Variants in USP28 observed in about 807,000 individuals in gnomAD.
The protein encoded by USP28 is ubiquitin specific peptidase 28, also known as ubiquitin carboxyl-terminal hydrolase 28.
Under a neutral mutation model 145.0 loss-of-function variants are expected in USP28, and 113 were observed. That is an observed-to-expected ratio of 0.78 (90% CI 0.67 to 0.91). The LOEUF is 0.91. Among genes scored for constraint, USP28 ranks in the 40% least tolerant of loss-of-function variants. The pLI, the probability that USP28 is intolerant of heterozygous loss-of-function variation, is 0.00. For synonymous variants in USP28, 447 were observed against 450.9 expected, an observed-to-expected ratio of 0.99 and a Z score of 0.11; for missense variants, 1,201 against 1,289.6, an observed-to-expected ratio of 0.93 and a Z score of 1.05.
At chr11:113,826,931 A>AC (rs902338315) in intron 11 of USP28, among the ~76,000 whole-genome samples, 20 of 151,950 alleles carry the variant, frequency 1.3e-4, no homozygotes, top group African/African-American at 4.8e-4. Flanking sequence ...AAAAAAAAAA[A>AC]AAACAAAAAT....
intron 1 of USP28, among the ~76,000 whole-genome samples, chr11:113,865,407 C>T (rs935284402): frequency 6.6e-6 from 1 of 152,146 alleles, no homozygotes; most frequent in Admixed American, 6.5e-5. Context: ...AAAAGAAGAA[C>T]AAAGTTGGAG....
At chr11:113,836,122 G>A (rs1327014931) in intron 5 of USP28, among the ~76,000 whole-genome samples, 2 of 152,076 alleles carry the variant, frequency 1.3e-5, no homozygotes, top group African/African-American at 2.4e-5. Flanking sequence ...CATTAAGTGT[G>A]AGCTAATACT....
At chr11:113,808,532 C>T (rs1940427565) in intron 17 of USP28, 95 bp from the exon 18 acceptor site, 18 of 1,357,248 alleles carry the variant, frequency 1.3e-5, no homozygotes, top group Non-Finnish European at 1.8e-5. Context: ...GTTTAATATA[C>T]AACCCTGTTA....
intron 1 of USP28, among the ~76,000 whole-genome samples, chr11:113,858,767 G>A (rs183447752): frequency 1.4e-4 from 22 of 152,028 alleles, no homozygotes; most frequent in African/African-American, 5.1e-4. Flanking sequence ...CCACCACCAC[G>A]CCTAGCTAAT....
chr11:113,852,123 G>T (rs1946530536), intron 3 of USP28, among the ~76,000 whole-genome samples: 1 of 152,114 alleles, frequency 6.6e-6, no homozygotes, highest in African/African-American at 2.4e-5. Flanking sequence ...CTGCCTCCCG[G>T]GTTCATGCCA....
chr11:113,833,152 A>G (rs929605279), intron 7 of USP28, among the ~76,000 whole-genome samples: 4 of 152,166 alleles, frequency 2.6e-5, no homozygotes, highest in Non-Finnish European at 4.4e-5. Context: ...TTCTACATCA[A>G]TAGCCCCGGT....
At chr11:113,875,549 G>A in exon 1 of USP28, 5 of 1,125,236 alleles carry the variant, frequency 4.4e-6, no homozygotes, top group Admixed American at 5.0e-5. Flanking sequence ...CGCAGCCGCC[G>A]CCGGCCCAGC....
rs775973122 is a variant in USP28, at chr11:113,823,672, G to A, written c.1216C>T (p.Arg406Ter). The A allele has an allele frequency of 5.0e-6, 8 of 1,610,806 alleles. No homozygotes were observed. Among genetic ancestry groups the A allele is most frequent in the East Asian group, 4.5e-5 (2 of 44,760 alleles). Residue 406 changes from arginine (R) to a stop codon, truncating the protein, a stop_gained, in exon 12 of 25, where the codon CGA becomes TGA. Coordinates refer to ENST00000003302, the Ensembl canonical transcript of USP28. LOFTEE classifies it high-confidence loss of function. Reference sequence around the variant, plus strand: ...TTTCGAATACACTCTCTCTTATTTCGAATAAGCTCCTTGCTCCTGTACATG... The same window carrying A: ...TTTCGAATACACTCTCTCTTATTTCAAATAAGCTCCTTGCTCCTGTACATG...
intron 16 of USP28, among the ~76,000 whole-genome samples, chr11:113,809,730 G>T (rs1458334556): frequency 6.6e-6 from 1 of 152,130 alleles, no homozygotes; most frequent in Non-Finnish European, 1.5e-5. Flanking sequence ...GAATAACACA[G>T]AGTTAAAGAT....
At chr11:113,806,543 T>A in exon 19 of USP28, 1 of 1,604,936 alleles carries the variant, frequency 6.2e-7, no homozygotes, top group South Asian at 1.1e-5. Context: ...GGGCTTTAGC[T>A]ATGGCCAGGA....
At chr11:113,818,360 C>A (rs954009569) in intron 12 of USP28, among the ~76,000 whole-genome samples, 1 of 151,868 alleles carries the variant, frequency 6.6e-6, no homozygotes, top group Non-Finnish European at 1.5e-5. Context: ...ACTGTATTAG[C>A]CAGGATGGTC....
chr11:113,863,366 C>T (rs1250196573), intron 1 of USP28, among the ~76,000 whole-genome samples: 1 of 151,826 alleles, frequency 6.6e-6, no homozygotes, highest in East Asian at 1.9e-4. Context: ...ACTGCTGAGG[C>T]TGGGTGCGAT....
Position 113,808,450 on chromosome 11 carries a change from T to C in USP28, c.2165-13A>G, listed in dbSNP as rs531922723. On this transcript the variant is annotated splice_polypyrimidine_tract_variant and intron_variant, in intron 17 of 24. Transcript: ENST00000003302. ...GCTACTGAAGGCTCTGATAAAGAAT[T>C]GAACAAAGGTCTTAGCATCTAATGA... is the stretch of plus-strand genomic sequence containing the variant. 11 of 1,611,888 alleles carry C rather than the reference T, an allele frequency of 6.8e-6. No individual in the cohort carries two copies. In the South Asian group the frequency reaches 8.8e-5, roughly 13 times the overall value.
chr11:113,804,455 G>A (rs377327573), intron 21 of USP28, among the ~76,000 whole-genome samples: 8 of 152,202 alleles, frequency 5.3e-5, no homozygotes, highest in African/African-American at 1.9e-4. Context: ...TTTAAGGGAA[G>A]TGAAATGTTG....
chr11:113,803,254 T>C (rs760584884), exon 23 of USP28: 6 of 1,613,066 alleles, frequency 3.7e-6, no homozygotes, highest in Non-Finnish European at 5.1e-6. Context: ...GGTAGGCATA[T>C]ACCAGGTAGG....
intron 3 of USP28, among the ~76,000 whole-genome samples, chr11:113,850,636 C>G (rs185734491): frequency 3.3e-4 from 51 of 152,322 alleles, no homozygotes; most frequent in Admixed American, 5.9e-4. Context: ...TCTCTCCTCC[C>G]AGAAGCCTCC....
exon 24 of USP28, chr11:113,801,578 T>G: frequency 6.2e-7 from 1 of 1,610,762 alleles, no homozygotes; most frequent in Non-Finnish European, 8.5e-7. Context: ...AATGATAAGG[T>G]GAATGCAGGG....
At chr11:113,873,117 T>A (rs45595733) in intron 1 of USP28, among the ~76,000 whole-genome samples, 1 of 152,132 alleles carries the variant, frequency 6.6e-6, no homozygotes, top group Non-Finnish European at 1.5e-5. Flanking sequence ...AAGGGAAAGG[T>A]AGAATGCCTC....
At chr11:113,871,050 A>T (rs1948757411) in intron 1 of USP28, among the ~76,000 whole-genome samples, 1 of 152,226 alleles carries the variant, frequency 6.6e-6, no homozygotes, top group Middle Eastern at 3.2e-3. Context: ...AAAGGCAGAA[A>T]CTGATTGAAT....
Sources: gnomAD v4.1 joint callset for allele counts (sites outside exome capture counted in the v4.1 genomes callset) on GRCh38, gnomAD v4.1.1 for gene constraint, MANE v1.5 for transcripts, NCBI Gene and HGNC (gene_info 2026-07-23, HGNC 2026-07-21) for gene names.